TAFA5: variants seen among roughly 807,000 people sequenced by gnomAD.
TAFA5 encodes chemokine-like protein TAFA-5.
In TAFA5, 6 loss-of-function variants were observed where a neutral mutation model predicts 15.3. The ratio of observed to expected loss-of-function variants is 0.39; its 90% CI spans 0.21 to 0.77. The LOEUF (loss-of-function observed/expected upper bound fraction) is 0.77. Among genes scored for constraint, TAFA5 ranks in the 30% least tolerant of loss-of-function variants. The pLI is 0.41. For synonymous variants in TAFA5, 103 were observed against 80.7 expected (o/e 1.28, Z -1.48); for missense variants, 161 against 193.1 (o/e 0.83, Z 0.98).
chr22:48,491,242 G>T (rs1928143311), intron 1 of TAFA5, among the ~76,000 whole-genome samples: 1 of 152,178 alleles, frequency 6.6e-6, no homozygotes, highest in Non-Finnish European at 1.5e-5. Context: ...GGGCCTGCAG[G>T]GGTATGTGGG....
chr22:48,566,919 G>T lies in TAFA5; in HGVS notation c.112+77215G>T, dbSNP rs531467767. ...TACGCCTGGGGCCGTCAGTGGGTTG[G>T]GTTTGTCCTTTCTCCTTTGCTCCGC... is the stretch of plus-strand genomic sequence containing the variant. On this transcript the variant is annotated intron_variant, in intron 1 of 3. Coordinates refer to ENST00000402357, the MANE Select transcript of TAFA5 (RefSeq NM_001082967.3). The surrounding 1 kb of genome is among the most constrained non-coding windows in gnomAD (Gnocchi z 4.5). 6.6e-6 allele frequency among the ~76,000 whole-genome samples: 1 copy of T among 152,178 alleles called. No homozygotes were observed. Among genetic ancestry groups the T allele is most frequent in the African/African-American group, 2.4e-5 (1 of 41,454 alleles).
intron 2 of TAFA5, among the ~76,000 whole-genome samples, chr22:48,668,457 A>G (rs113288348): frequency 4.5e-4 from 3 of 6,740 alleles, no homozygotes; most frequent in Admixed American, 1.9e-3. Flanking sequence ...TCAGGGCCGC[A>G]TCTTCACTGG....
chr22:48,663,829 G>A (rs1434310321), intron 2 of TAFA5, among the ~76,000 whole-genome samples: 1 of 152,196 alleles, frequency 6.6e-6, no homozygotes, highest in Non-Finnish European at 1.5e-5. Flanking sequence ...TGGCATCATA[G>A]TACTTGTGTT....
intron 1 of TAFA5, among the ~76,000 whole-genome samples, chr22:48,607,742 C>T (rs73889155): frequency 0.13 from 19,150 of 151,620 alleles, 1,311 homozygotes; most frequent in African/African-American, 0.16. Flanking sequence ...GTTGGGGAGG[C>T]GGGGTTGCCA....
chr22:48,719,369 G>T (rs13057842), intron 3 of TAFA5, among the ~76,000 whole-genome samples: 40,853 of 152,220 alleles, frequency 0.27, 5,737 homozygotes, highest in Admixed American at 0.35. Context: ...AGTCCGTCTG[G>T]AGTGTGATCA....
rs375660778 is a variant in TAFA5 at position 48,707,695 on chromosome 22, G to T, written c.263-22G>T. ...GATCCATGAGAGTAGCACGCTGATT[G>T]CCTCTCTCTTTTCTCCCACAGCAAG... is the stretch of plus-strand genomic sequence containing the variant. On this transcript the variant is annotated intron_variant, in intron 2 of 3. Transcript: ENST00000402357. 1.9e-6 allele frequency: 3 copies of T among 1,612,972 alleles called. No individual in the cohort carries two copies. The African/African-American group carries it at 4.0e-5, about 22-fold the overall frequency.
intron 2 of TAFA5, among the ~76,000 whole-genome samples, chr22:48,695,301 G>T (rs1357819226): frequency 6.6e-6 from 1 of 152,152 alleles, no homozygotes; most frequent in Non-Finnish European, 1.5e-5. Flanking sequence ...GTGAGACACT[G>T]CCAGGGAGAG....
intron 3 of TAFA5, among the ~76,000 whole-genome samples, chr22:48,733,632 A>T (rs1184488406): frequency 6.6e-6 from 1 of 152,230 alleles, no homozygotes; most frequent in Non-Finnish European, 1.5e-5. Context: ...AGATTTCAGT[A>T]AACTGGACCG....
At chr22:48,546,705 A>T in intron 1 of TAFA5, 1 of 428,708 alleles carries the variant, frequency 2.3e-6, no homozygotes, top group East Asian at 7.2e-5. Context: ...CCATTCCTCC[A>T]GGTGCCCAGC....
intron 1 of TAFA5, among the ~76,000 whole-genome samples, chr22:48,644,720 T>C (rs923225340): frequency 2.6e-5 from 4 of 152,088 alleles, no homozygotes; most frequent in African/African-American, 7.2e-5. Flanking sequence ...AAGGTTATCA[T>C]AGGAGAAAAA....
chr22:48,592,631 G>A (rs1036488070), intron 1 of TAFA5, among the ~76,000 whole-genome samples: 26 of 152,194 alleles, frequency 1.7e-4, no homozygotes, highest in South Asian at 1.5e-3. Flanking sequence ...CTGTCTGGCC[G>A]GTATCTGCTG....
Position 48,566,897 on chromosome 22 carries a change from G to A in TAFA5, c.112+77193G>A, listed in dbSNP as rs749762491. On this transcript the variant is annotated intron_variant, in intron 1 of 3. Transcript: ENST00000402357. The surrounding 1 kb of genome is among the most constrained non-coding windows in gnomAD (Gnocchi z 4.5). Reference sequence around the variant, plus strand: ...TCACCACTGTGGTTTCATGATTTACGCCTGGGGCCGTCAGTGGGTTGGGTT... The same window carrying A: ...TCACCACTGTGGTTTCATGATTTACACCTGGGGCCGTCAGTGGGTTGGGTT... 6.6e-6 allele frequency among the ~76,000 whole-genome samples: 1 copy of A among 152,132 alleles called. No individual in the cohort carries two copies. Among genetic ancestry groups the A allele is most frequent in the Admixed American group, 6.5e-5 (1 of 15,288 alleles).
rs76148274 is a variant in TAFA5 at position 48,748,939 on chromosome 22, T to C, written c.391-900T>C. On this transcript the variant is annotated intron_variant, in intron 3 of 3. Transcript: ENST00000402357. ...GCAGGGCCAGGGTCCCATGATGAGT[T>C]TCCTGGCCAAGGTCGGTTCAAGGGC... Among the ~76,000 whole-genome samples the C allele has an allele frequency of 5.3e-3, 800 of 152,170 alleles. 8 individuals are homozygous for C. The highest frequency in any genetic ancestry group is 0.019 in the African/African-American group (774 of 41,514).
chr22:48,492,633 C>T (rs1483357490), intron 1 of TAFA5, among the ~76,000 whole-genome samples: 1 of 152,244 alleles, frequency 6.6e-6, no homozygotes, highest in East Asian at 1.9e-4. Context: ...GTCATTTTCT[C>T]CTCCTGGGGA....
chr22:48,694,395 C>T (rs1421583923), intron 2 of TAFA5, among the ~76,000 whole-genome samples: 3 of 152,274 alleles, frequency 2.0e-5, no homozygotes, highest in East Asian at 1.9e-4. Context: ...ACACCCTGCG[C>T]GTTTCCTGGT....
chr22:48,594,204 C>T (rs28670921), intron 1 of TAFA5, among the ~76,000 whole-genome samples: 9,559 of 152,170 alleles, frequency 0.063, 628 homozygotes, highest in African/African-American at 0.16. Flanking sequence ...TGGAACTGCC[C>T]GGCGTTGGGG....
intron 2 of TAFA5, among the ~76,000 whole-genome samples, chr22:48,666,336 C>T (rs1927607831): frequency 2.0e-5 from 3 of 152,148 alleles, no homozygotes; most frequent in South Asian, 2.1e-4. Context: ...TTGTCTGTGA[C>T]TTCTTAAGTT....
At chr22:48,688,356 T>C (rs1003412391) in intron 2 of TAFA5, among the ~76,000 whole-genome samples, 1 of 152,272 alleles carries the variant, frequency 6.6e-6, no homozygotes, top group African/African-American at 2.4e-5. Flanking sequence ...GAAAATTTTA[T>C]CTAATTTTAA....
At chr22:48,612,431 CGT>C (rs1339078818) in intron 1 of TAFA5, among the ~76,000 whole-genome samples, 3 of 152,138 alleles carry the variant, frequency 2.0e-5, no homozygotes, top group African/African-American at 7.2e-5. Flanking sequence ...ACATTTTGAG[CGT>C]GTGTCAAGGT....
Sources: gnomAD v4.1 joint callset for allele counts (sites outside exome capture counted in the v4.1 genomes callset) on GRCh38, gnomAD v4.1.1 for gene constraint, Gnocchi (gnomAD v3.1) non-coding constraint, MANE v1.5 for transcripts, NCBI Gene and HGNC (gene_info 2026-07-23, HGNC 2026-07-21) for gene names.